Variants in ICA1 observed in about 807,000 individuals in gnomAD.
ICA1 encodes the protein 69 kDa islet cell autoantigen.
ICA1 carries 40 observed loss-of-function variants against 71.0 expected under a neutral mutation model. The observed-to-expected ratio is 0.56, with a 90% CI of 0.44 to 0.73. The LOEUF (loss-of-function observed/expected upper bound fraction) is 0.73. Among genes scored for constraint, ICA1 ranks in the 30% least tolerant of loss-of-function variants. ICA1 has a pLI of 0.00. For synonymous variants in ICA1, 207 were observed against 209.5 expected, an observed-to-expected ratio of 0.99 and a Z score of 0.10; for missense variants, 578 against 576.5, an observed-to-expected ratio of 1.00 and a Z score of -0.03.
At chr7:8,118,614 C>G (rs1785555149) in intron 13 of ICA1, among the ~76,000 whole-genome samples, 3 of 152,168 alleles carry the variant, frequency 2.0e-5, no homozygotes, top group Admixed American at 6.5e-5. Context: ...ACCCAAATCA[C>G]ATAAAACAGT....
chr7:8,208,256 G>A (rs905758497), intron 6 of ICA1, among the ~76,000 whole-genome samples: 1 of 152,098 alleles, frequency 6.6e-6, no homozygotes, highest in Non-Finnish European at 1.5e-5. Context: ...TTGTAAAGAA[G>A]GATTTGAAGA....
At chr7:8,260,026 G>A (rs1470270674) in intron 1 of ICA1, among the ~76,000 whole-genome samples, 2 of 152,126 alleles carry the variant, frequency 1.3e-5, no homozygotes, top group African/African-American at 4.8e-5. Flanking sequence ...CCAGCGTGCT[G>A]ATTATAAACA....
intron 13 of ICA1, among the ~76,000 whole-genome samples, chr7:8,122,679 G>T (rs1417195146): frequency 6.6e-6 from 1 of 152,248 alleles, no homozygotes; most frequent in Non-Finnish European, 1.5e-5. Context: ...GGTGAGCACT[G>T]CTTGAGGAAA....
intron 6 of ICA1, among the ~76,000 whole-genome samples, chr7:8,199,638 C>G (rs770340925): frequency 6.6e-6 from 1 of 152,124 alleles, no homozygotes; most frequent in Non-Finnish European, 1.5e-5. Context: ...TGCCTGAACC[C>G]AGGAGGCAGA....
At position 8,188,124 on chromosome 7, in the gene ICA1, TTAGA is replaced by T. The variant is rs1267509800; in HGVS notation, c.580-29476_580-29473del. On this transcript the variant is annotated intron_variant, in intron 6 of 13. Transcript: ENST00000402384. ...AATGGAATGGGGATTGGAAAAACTCTTAGATAATGTTTTCTTGGGGTGTTTTGTT... is the reference window on the plus strand; with the variant it reads ...AATGGAATGGGGATTGGAAAAACTCTTAATGTTTTCTTGGGGTGTTTTGTT... 5.3e-5 allele frequency among the ~76,000 whole-genome samples: 8 copies of T among 152,204 alleles called. No individual in the cohort carries two copies. In the East Asian group the frequency reaches 5.8e-4, roughly 11 times the overall value.
chr7:8,143,902 G>A lies in ICA1; in HGVS notation c.875C>T (p.Thr292Ile), dbSNP rs142395028. The A allele has an allele frequency of 2.4e-5, 38 of 1,611,942 alleles. No individual in the cohort carries two copies. In the African/African-American group the frequency reaches 4.5e-4, roughly 19 times the overall value. Residue 292 changes from threonine (T) to isoleucine (I), a missense_variant, in exon 9 of 14, where the codon ACA (threonine) becomes ATA (isoleucine). Transcript: ENST00000402384. ...GCTCGGCTCCTGCACGGCTGCATCT[G>A]TACTTTCCTGCTGGTTGATTTTCTT... ...EKKKINQQES[T>I]DAAVQEPSQL...
At chr7:8,233,073 C>G (rs150108025) in intron 2 of ICA1, among the ~76,000 whole-genome samples, 2 of 152,168 alleles carry the variant, frequency 1.3e-5, no homozygotes, top group Non-Finnish European at 2.9e-5. Context: ...TCAAGCCAGG[C>G]AGGGTGACTG....
intron 6 of ICA1, among the ~76,000 whole-genome samples, chr7:8,191,767 T>C (rs184744679): frequency 6.6e-6 from 1 of 152,114 alleles, no homozygotes; most frequent in East Asian, 1.9e-4. Flanking sequence ...CCTCTACTAA[T>C]GTCACTTTTT....
chr7:8,119,920 G>C (rs1426325585), intron 13 of ICA1, among the ~76,000 whole-genome samples: 1 of 152,180 alleles, frequency 6.6e-6, no homozygotes, highest in African/African-American at 2.4e-5. Context: ...AGATGATAAT[G>C]GCAGATTCCT....
chr7:8,180,715 T>C (rs963369731), intron 6 of ICA1, among the ~76,000 whole-genome samples: 2 of 152,142 alleles, frequency 1.3e-5, no homozygotes, highest in African/African-American at 4.8e-5. Flanking sequence ...TGATGATTGA[T>C]AGTGTAAGTA....
At chr7:8,152,787 A>C in intron 8 of ICA1, among the ~76,000 whole-genome samples, 1 of 83,710 alleles carries the variant, frequency 1.2e-5, no homozygotes. Context: ...TATCACCATC[A>C]CCATCACCTC....
intron 8 of ICA1, among the ~76,000 whole-genome samples, chr7:8,154,200 C>G (rs1257479332): frequency 6.6e-6 from 1 of 152,030 alleles, no homozygotes; most frequent in African/African-American, 2.4e-5. Context: ...GGATATTTTT[C>G]AAGTATGAAG....
chr7:8,157,498 G>A (rs1318815352), intron 7 of ICA1: 2 of 390,012 alleles, frequency 5.1e-6, no homozygotes, highest in Non-Finnish European at 9.1e-6. Flanking sequence ...CCAAAACCCA[G>A]GGTAAATAAT....
Position 8,144,445 on chromosome 7 carries a change from T to A in ICA1, c.805-473A>T, listed in dbSNP as rs1233005974. On this transcript the variant is annotated intron_variant, in intron 8 of 13. Transcript: ENST00000402384. This position sits in a 1 kb window ranked among gnomAD's most constrained non-coding sequence, Gnocchi z 4.5. ...GCTATTTTGCAATCTAAAACCCAGT[T>A]TTAAAAAATAACAGAAAACAAAACC... 6.6e-6 allele frequency among the ~76,000 whole-genome samples: 1 copy of A among 152,158 alleles called. No homozygotes were observed. The highest frequency in any genetic ancestry group is 1.5e-5 in the Non-Finnish European group (1 of 68,038).
At chr7:8,155,698 T>C (rs1011758301) in intron 8 of ICA1, among the ~76,000 whole-genome samples, 4 of 152,198 alleles carry the variant, frequency 2.6e-5, no homozygotes, top group African/African-American at 9.7e-5. Context: ...AAGCCTCTGC[T>C]TTATCAAAGA....
chr7:8,242,155 CAT>C (rs1456304175), intron 1 of ICA1, among the ~76,000 whole-genome samples: 1 of 152,128 alleles, frequency 6.6e-6, no homozygotes, highest in African/African-American at 2.4e-5. Context: ...AAATTGAACA[CAT>C]AACTGGAAAA....
chr7:8,208,401 C>T (rs557682061), intron 6 of ICA1, among the ~76,000 whole-genome samples: 4 of 106,174 alleles, frequency 3.8e-5, no homozygotes, highest in East Asian at 4.5e-4. Context: ...AAGTAAATCA[C>T]CATATTTTAA....
chr7:8,205,451 T>C (rs1413209754), intron 6 of ICA1, among the ~76,000 whole-genome samples: 2 of 152,184 alleles, frequency 1.3e-5, no homozygotes, highest in African/African-American at 4.8e-5. Flanking sequence ...CTTTAACACA[T>C]ACACTTTGTT....
intron 6 of ICA1, among the ~76,000 whole-genome samples, chr7:8,176,650 T>A (rs1235735859): frequency 6.6e-6 from 1 of 152,204 alleles, no homozygotes; most frequent in African/African-American, 2.4e-5. Flanking sequence ...CCTCAGGCCT[T>A]GCTTTTCCCA....
Sources: gnomAD v4.1 joint callset for allele counts (sites outside exome capture counted in the v4.1 genomes callset) on GRCh38, gnomAD v4.1.1 for gene constraint, Gnocchi (gnomAD v3.1) non-coding constraint, MANE v1.5 for transcripts, NCBI Gene and HGNC (gene_info 2026-07-23, HGNC 2026-07-21) for gene names.